The following UBE2E2 variants were observed in gnomAD, a reference collection of about 807,000 sequenced individuals.
UBE2E2 encodes the protein ubiquitin-conjugating enzyme E2 E2.
Under a neutral mutation model 24.7 loss-of-function variants are expected in UBE2E2, and 6 were observed. The observed-to-expected ratio is 0.24, with a 90% confidence interval of 0.13 to 0.48. UBE2E2 has a LOEUF of 0.48. Ranked by LOEUF, UBE2E2 falls within the 20% of genes least tolerant of loss-of-function variation. The pLI is 0.99. For synonymous variants in UBE2E2, 104 were observed against 83.6 expected (o/e 1.24, Z -1.33); for missense variants, 169 against 245.0 (o/e 0.69, Z 2.07).
chr3:23,468,290 G>A (rs188304641), intron 3 of UBE2E2, among the ~76,000 whole-genome samples: 4 of 152,256 alleles, frequency 2.6e-5, no homozygotes, highest in Non-Finnish European at 5.9e-5. Context: ...TTCAGCAGTT[G>A]TTTTTCTCTA....
At chr3:23,470,858 A>G (rs1183942202) in intron 3 of UBE2E2, among the ~76,000 whole-genome samples, 2 of 152,098 alleles carry the variant, frequency 1.3e-5, no homozygotes, top group Non-Finnish European at 2.9e-5. Flanking sequence ...TTGGAGCTCA[A>G]GTTCTTGGCC....
At chr3:23,322,420 T>A (rs1694764848) in intron 3 of UBE2E2, among the ~76,000 whole-genome samples, 1 of 152,186 alleles carries the variant, frequency 6.6e-6, no homozygotes, top group Admixed American at 6.5e-5. Context: ...TTTCTGTTTT[T>A]CCTCCCAGTC....
chr3:23,498,162 C>T (rs1699645630), intron 3 of UBE2E2, among the ~76,000 whole-genome samples: 1 of 152,038 alleles, frequency 6.6e-6, no homozygotes, highest in African/African-American at 2.4e-5. Context: ...ATTCTCAACA[C>T]TAGTATTTGG....
intron 3 of UBE2E2, among the ~76,000 whole-genome samples, chr3:23,302,673 ATAT>A (rs1204631461): frequency 2.0e-5 from 3 of 152,246 alleles, no homozygotes; most frequent in Non-Finnish European, 2.9e-5. Context: ...GCCCTTGATC[ATAT>A]TATTTAACAG....
At position 23,589,118 on chromosome 3, in the gene UBE2E2, C is replaced by G. The variant is rs968559981; in HGVS notation, c.509-616C>G. On this transcript the variant is annotated intron_variant, in intron 5 of 5. Coordinates refer to ENST00000396703, the MANE Select transcript of UBE2E2 (RefSeq NM_152653.4). This position sits in a 1 kb window ranked among gnomAD's most constrained non-coding sequence, Gnocchi z 4.1. Reference sequence around the variant, plus strand: ...CCTGCCCACAGCCCACCTGCATTTTCTCCGTGAAATATCTACTTGAAGACA... The same window carrying G: ...CCTGCCCACAGCCCACCTGCATTTTGTCCGTGAAATATCTACTTGAAGACA... 1.3e-5 allele frequency among the ~76,000 whole-genome samples: 2 copies of G among 152,056 alleles called. No individual in the cohort carries two copies. The highest frequency in any genetic ancestry group is 4.8e-5 in the African/African-American group (2 of 41,394).
chr3:23,278,742 TATTA>T (rs1698422646), intron 3 of UBE2E2, among the ~76,000 whole-genome samples: 1 of 152,194 alleles, frequency 6.6e-6, no homozygotes, highest in Non-Finnish European at 1.5e-5. Flanking sequence ...AAATGATCAG[TATTA>T]ATGAAATTTG....
At chr3:23,446,073 A>G (rs755611139) in intron 3 of UBE2E2, among the ~76,000 whole-genome samples, 11 of 152,198 alleles carry the variant, frequency 7.2e-5, no homozygotes, top group Non-Finnish European at 1.6e-4. Flanking sequence ...CAGATGCACC[A>G]TAGCTGGGAC....
At chr3:23,481,117 T>A (rs534736236) in intron 3 of UBE2E2, among the ~76,000 whole-genome samples, 1 of 152,224 alleles carries the variant, frequency 6.6e-6, no homozygotes, top group Admixed American at 6.5e-5. Context: ...GGTTTTGATC[T>A]TCCCAAAGGA....
intron 3 of UBE2E2, among the ~76,000 whole-genome samples, chr3:23,362,877 A>G (rs1696156803): frequency 6.6e-6 from 1 of 152,192 alleles, no homozygotes; most frequent in Non-Finnish European, 1.5e-5. Context: ...TGTTGCTTGT[A>G]AAGTGTCTAG....
chr3:23,212,194 G>A (rs185692926), intron 2 of UBE2E2, among the ~76,000 whole-genome samples: 2 of 152,274 alleles, frequency 1.3e-5, no homozygotes, highest in African/African-American at 4.8e-5. Flanking sequence ...ATTTAAGTGG[G>A]TATTTAAACA....
chr3:23,353,563 A>G (rs998022164), intron 3 of UBE2E2, among the ~76,000 whole-genome samples: 1 of 152,206 alleles, frequency 6.6e-6, no homozygotes, highest in African/African-American at 2.4e-5. Context: ...TCAATGTACA[A>G]AAATCACAAG....
At chr3:23,420,234 G>GCATT (rs1306568168) in intron 3 of UBE2E2, among the ~76,000 whole-genome samples, 2 of 152,160 alleles carry the variant, frequency 1.3e-5, no homozygotes, top group Non-Finnish European at 2.9e-5. Context: ...CTGACACAGT[G>GCATT]CATTGCATAT....
chr3:23,473,807 G>A (rs572672492), intron 3 of UBE2E2, among the ~76,000 whole-genome samples: 14 of 152,162 alleles, frequency 9.2e-5, no homozygotes, highest in Non-Finnish European at 1.5e-4. Flanking sequence ...CGCATTGATT[G>A]TGGACATTTG....
Position 23,459,792 on chromosome 3 carries a change from G to A in UBE2E2, c.228-39816G>A, listed in dbSNP as rs561542142. ...ATTGCATATTCCTTAGAATTTCTGT[G>A]ATCTGTAAAATCGCAGGCCAGAATG... On this transcript the variant is annotated intron_variant, in intron 3 of 5. Transcript: ENST00000396703. Among the ~76,000 whole-genome samples the A allele has an allele frequency of 7.9e-5, 12 of 152,248 alleles. No homozygotes were observed. The South Asian group carries it at 2.5e-3, about 32-fold the overall frequency.
At chr3:23,562,599 G>A (rs1035256521) in intron 5 of UBE2E2, among the ~76,000 whole-genome samples, 34 of 152,130 alleles carry the variant, frequency 2.2e-4, no homozygotes, top group African/African-American at 7.2e-4. Context: ...GAGTTAGGGA[G>A]GATTCCCTCT....
At chr3:23,418,262 A>G (rs1337156128) in intron 3 of UBE2E2, among the ~76,000 whole-genome samples, 1 of 152,158 alleles carries the variant, frequency 6.6e-6, no homozygotes, top group Non-Finnish European at 1.5e-5. Context: ...GCCAGAGTGC[A>G]CCGTTCCTCA....
intron 5 of UBE2E2, among the ~76,000 whole-genome samples, chr3:23,572,633 G>A (rs1209721038): frequency 2.6e-5 from 4 of 152,178 alleles, no homozygotes; most frequent in Non-Finnish European, 5.9e-5. Context: ...AGACAATGCA[G>A]TATTTGGTTT....
intron 3 of UBE2E2, among the ~76,000 whole-genome samples, chr3:23,410,284 A>G (rs185826535): frequency 1.3e-5 from 2 of 152,264 alleles, no homozygotes; most frequent in East Asian, 3.9e-4. Context: ...TTATTTGCTT[A>G]GTTTCTCTTC....
chr3:23,495,872 C>T (rs1359023231), intron 3 of UBE2E2, among the ~76,000 whole-genome samples: 3 of 152,130 alleles, frequency 2.0e-5, no homozygotes, highest in African/African-American at 7.2e-5. Flanking sequence ...TATATTCCAA[C>T]CCTTTGCAAT....
Sources: allele counts gnomAD v4.1 joint callset (sites outside exome capture counted in the v4.1 genomes callset), GRCh38; gene constraint gnomAD v4.1.1; non-coding constraint Gnocchi (gnomAD v3.1); transcripts MANE v1.5; gene names NCBI Gene and HGNC (gene_info 2026-07-23, HGNC 2026-07-21).